The following MTF1 variants were observed in gnomAD, a reference collection of about 807,000 sequenced individuals.
MTF1 encodes metal regulatory transcription factor 1, also known as MRE-binding transcription factor.
In MTF1, 22 loss-of-function variants were observed where a neutral mutation model predicts 70.4. The ratio of observed to expected loss-of-function variants is 0.31; its 90% CI spans 0.22 to 0.45. MTF1 has a LOEUF of 0.45. Among genes scored for constraint, MTF1 ranks in the 20% least tolerant of loss-of-function variants. MTF1 has a pLI of 1.00. For synonymous variants in MTF1, 333 were observed against 352.8 expected (o/e 0.94, Z 0.63); for missense variants, 649 against 922.0 (o/e 0.70, Z 3.83).
intron 6 of MTF1, among the ~76,000 whole-genome samples, chr1:37,832,990 G>C (rs1443354815): frequency 6.6e-6 from 1 of 150,920 alleles, no homozygotes; most frequent in Non-Finnish European, 1.5e-5. Flanking sequence ...TGGGCGACAA[G>C]AGTGAGACTC....
Position 37,815,571 on chromosome 1 carries a change from G to A in MTF1, c.1832-5C>T, listed in dbSNP as rs1186408743. Reference sequence around the variant, plus strand: ...CAATCTGCTGGACAGAGCTCCCTGCGAGAGAGGCAAGAGAGACTGCTCTTC... The same window carrying A: ...CAATCTGCTGGACAGAGCTCCCTGCAAGAGAGGCAAGAGAGACTGCTCTTC... On this transcript the variant is annotated splice_polypyrimidine_tract_variant and splice_region_variant and intron_variant, in intron 10 of 10. Coordinates refer to ENST00000373036, the MANE Select transcript of MTF1 (RefSeq NM_005955.3). The surrounding 1 kb of genome is among the most constrained non-coding windows in gnomAD (Gnocchi z 4.5). The A allele has an allele frequency of 6.6e-6, 10 of 1,523,786 alleles. No individual in the cohort carries two copies. The highest frequency in any genetic ancestry group is 1.3e-5 in the South Asian group (1 of 75,238). 94.4% of individuals were successfully genotyped at this position (1,523,786 alleles called of 1,614,324 possible).
chr1:37,835,893 C>G, intron 4 of MTF1, 149 bp from the exon 5 acceptor site: 1 of 610,348 alleles, frequency 1.6e-6, no homozygotes, highest in African/African-American at 1.9e-5. Flanking sequence ...CTCCACCTCC[C>G]GGGTTCATGC....
chr1:37,859,553 G>GGCA lies in MTF1; in HGVS notation c.-77_-75dup. 2 of 399,034 alleles carry GGCA rather than the reference G, an allele frequency of 5.0e-6. No homozygotes were observed. The highest frequency in any genetic ancestry group is 8.8e-6 in the Non-Finnish European group (2 of 226,420). The allele number at this position is 399,034 out of a possible 1,614,324, so 24.7% of individuals were successfully genotyped here. On this transcript the variant is annotated 5_prime_UTR_variant, in exon 1 of 11. Coordinates refer to ENST00000373036, the MANE Select transcript of MTF1 (RefSeq NM_005955.3). Reference sequence around the variant, plus strand: ...TACCTCCGCGGCTCCCGGCAACGGCGGCAGCAGCAGCTTCTCCCCTCCCCA... The same window carrying GGCA: ...TACCTCCGCGGCTCCCGGCAACGGCGGCAGCAGCAGCAGCTTCTCCCCTCCCCA...
chr1:37,833,577 C>A (rs749124667), intron 6 of MTF1, among the ~76,000 whole-genome samples: 18 of 152,144 alleles, frequency 1.2e-4, no homozygotes, highest in Admixed American at 2.6e-4. Flanking sequence ...AGACACCGTT[C>A]CAGACCCAGG....
chr1:37,818,941 C>T (rs1170966731), intron 9 of MTF1, among the ~76,000 whole-genome samples: 7 of 151,484 alleles, frequency 4.6e-5, no homozygotes, highest in East Asian at 1.9e-4. Context: ...TGCAGTGAGC[C>T]GAGATCGCAC....
intron 1 of MTF1, among the ~76,000 whole-genome samples, chr1:37,859,113 G>C (rs986503232): frequency 6.6e-6 from 1 of 152,212 alleles, no homozygotes; most frequent in African/African-American, 2.4e-5. Context: ...AGAGAGAGAA[G>C]AGCACCGAGG....
At chr1:37,835,472 T>C (rs553127277) in intron 5 of MTF1, among the ~76,000 whole-genome samples, 199 bp downstream of exon 5, 3 of 152,274 alleles carry the variant, frequency 2.0e-5, no homozygotes, top group Non-Finnish European at 4.4e-5. Context: ...AGTGTCTCTG[T>C]ATTGGTTTCA....
In MTF1 at chr1:37,815,502, A is replaced by G; in HGVS notation, c.1896T>C (p.Cys632=). Residue 632 remains cysteine, a synonymous_variant, in exon 11 of 11, where the codon TGT becomes TGC. Coordinates refer to ENST00000373036, the MANE Select transcript of MTF1 (RefSeq NM_005955.3). This position sits in a 1 kb window ranked among gnomAD's most constrained non-coding sequence, Gnocchi z 4.5. ...AGTCCCGGCATGCACACTGACACTG[A>G]CATGCCTCTTCTTGTTTGATGATGA... is the stretch of plus-strand genomic sequence containing the variant. ...PVIIIKQEEA[C]QCQCACRDSA... is the part of the protein sequence containing the mutation. 6.4e-7 allele frequency: 1 copy of G among 1,559,628 alleles called. No individual in the cohort carries two copies. The highest frequency in any genetic ancestry group is 8.7e-7 in the Non-Finnish European group (1 of 1,154,454).
intron 7 of MTF1, among the ~76,000 whole-genome samples, chr1:37,827,410 T>C (rs1490032774): frequency 6.6e-6 from 1 of 151,596 alleles, no homozygotes; most frequent in Non-Finnish European, 1.5e-5. Flanking sequence ...CAGGCTGGAG[T>C]GCAGTGACAT....
intron 5 of MTF1, 143 bp downstream of exon 5, chr1:37,835,528 A>G: frequency 1.5e-6 from 1 of 681,806 alleles, no homozygotes; most frequent in Non-Finnish European, 2.5e-6. Context: ...AAGAAACCCA[A>G]ACATTCTAGG....
chr1:37,816,558 C>T (rs1418275621), intron 10 of MTF1, among the ~76,000 whole-genome samples: 1 of 151,690 alleles, frequency 6.6e-6, no homozygotes, highest in African/African-American at 2.4e-5. Flanking sequence ...GCCTGTAATC[C>T]CAGCTACTTG....
intron 2 of MTF1, among the ~76,000 whole-genome samples, chr1:37,841,994 C>T (rs1641260529): frequency 1.3e-5 from 2 of 151,988 alleles, no homozygotes; most frequent in Middle Eastern, 3.4e-3. Flanking sequence ...ATGATTGCTA[C>T]TGCACTCCAG....
Position 37,812,884 on chromosome 1 carries a change from CAGG to C in MTF1, c.*2249_*2251del, listed in dbSNP as rs1227072201. 1 of 152,212 alleles carries C rather than the reference CAGG, an allele frequency of 6.6e-6. No individual in the cohort carries two copies. The highest frequency in any genetic ancestry group is 1.5e-5 in the Non-Finnish European group (1 of 68,054). The allele number at this position is 152,212 out of a possible 1,614,324, so 9.4% of individuals were successfully genotyped here. A position where few individuals can be genotyped will look rare whatever the true frequency, so the allele number is the denominator to read the frequency against. ...AACTCATGCTCAGCAGTTGGTTTTCCAGGAGGACTGGAAACCTCCTGCCTTATC... is the reference window on the plus strand; with the variant it reads ...AACTCATGCTCAGCAGTTGGTTTTCCAGGACTGGAAACCTCCTGCCTTATC... On this transcript the variant is annotated 3_prime_UTR_variant, in exon 11 of 11. Coordinates refer to ENST00000373036, the MANE Select transcript of MTF1 (RefSeq NM_005955.3).
At chr1:37,856,309 C>G (rs1015981185) in intron 2 of MTF1, among the ~76,000 whole-genome samples, 5 of 148,802 alleles carry the variant, frequency 3.4e-5, no homozygotes, top group African/African-American at 1.2e-4. Flanking sequence ...TCCCAAATAG[C>G]TGGGATTACA....
At chr1:37,821,664 T>G (rs770875523) in intron 9 of MTF1, among the ~76,000 whole-genome samples, 1 of 152,178 alleles carries the variant, frequency 6.6e-6, no homozygotes, top group Non-Finnish European at 1.5e-5. Flanking sequence ...AAGTACTTCC[T>G]CAGAAAATGA....
Position 37,828,743 on chromosome 1 carries a change from A to G in MTF1, c.1068+3502T>C, listed in dbSNP as rs115459331. The stretch of plus-strand genomic sequence containing the variant: ...ATAAAAAGCTTGTTAAAATTTAAAA[A>G]AAGGAAAATGCTGAAGCCCCTGCCA... On this transcript the variant is annotated intron_variant, in intron 7 of 10. Coordinates refer to ENST00000373036, the MANE Select transcript of MTF1 (RefSeq NM_005955.3). Among the ~76,000 whole-genome samples the G allele has an allele frequency of 8.3e-3, 1,258 of 152,340 alleles. 15 individuals carry two copies. The highest frequency in any genetic ancestry group is 0.029 in the African/African-American group (1,194 of 41,574).
intron 7 of MTF1, among the ~76,000 whole-genome samples, chr1:37,830,472 T>C (rs1641069738): frequency 1.3e-5 from 2 of 152,236 alleles, no homozygotes; most frequent in African/African-American, 4.8e-5. Flanking sequence ...CTTTATGTCC[T>C]TGAGCATATA....
intron 2 of MTF1, 134 bp downstream of exon 2, chr1:37,857,117 T>C: frequency 5.1e-6 from 4 of 791,098 alleles, no homozygotes; most frequent in Non-Finnish European, 7.9e-6. Context: ...ACCTGAGGCA[T>C]ATGTTGTTGA....
chr1:37,812,017 G>GA lies in MTF1; in HGVS notation c.*3118dup, dbSNP rs1341037434. 5.2e-5 allele frequency: 8 copies of GA among 152,702 alleles called. No individual in the cohort carries two copies. The highest frequency in any genetic ancestry group is 1.9e-4 in the African/African-American group (8 of 41,462). The allele number at this position is 152,702 out of a possible 1,614,324, so 9.5% of individuals were successfully genotyped here. On this transcript the variant is annotated 3_prime_UTR_variant, in exon 11 of 11. Coordinates refer to ENST00000373036, the MANE Select transcript of MTF1 (RefSeq NM_005955.3). ...TTTCCTTACCACCTCCTAAGTCCAT[G>GA]AACCCCAATCCCTGGTGCTAAGCAC...
Sources: gnomAD v4.1 joint callset for allele counts (sites outside exome capture counted in the v4.1 genomes callset) on GRCh38, gnomAD v4.1.1 for gene constraint, Gnocchi (gnomAD v3.1) non-coding constraint, MANE v1.5 for transcripts, NCBI Gene and HGNC (gene_info 2026-07-23, HGNC 2026-07-21) for gene names.